The following TTLL7 variants were observed in gnomAD, a reference collection of about 807,000 sequenced individuals.
TTLL7 encodes tubulin polyglutamylase TTLL7.
TTLL7 carries 53 observed loss-of-function variants against 120.2 expected under a neutral mutation model. That is an observed-to-expected ratio of 0.44 (90% CI 0.35 to 0.55). TTLL7 has a LOEUF of 0.55. Among genes scored for constraint, TTLL7 ranks in the 20% least tolerant of loss-of-function variants. The pLI is 0.00. For missense variants in TTLL7, 803 were observed against 1,054.7 expected (o/e 0.76, Z 3.31); for synonymous variants, 353 against 351.7 (o/e 1.00, Z -0.04).
At chr1:83,932,416 G>A (rs1659669308) in intron 9 of TTLL7, among the ~76,000 whole-genome samples, 1 of 152,128 alleles carries the variant, frequency 6.6e-6, no homozygotes, top group Non-Finnish European at 1.5e-5. Flanking sequence ...AGGAACGGAG[G>A]AAGCAAAGGA....
In TTLL7 at chr1:83,947,164, T is replaced by C; in HGVS notation, c.466A>G (p.Thr156Ala). ...KELKKKRKQK[T>A]FIVKPANGAM... ...CCATTAGCTGGTTTCACTATAAAAG[T>C]TTTCTGCTTCCGTTTTTTCTTCAAT... Residue 156 changes from threonine to alanine, a missense_variant, in exon 6 of 21, where the codon ACT becomes GCT. Thr to Ala is a moderately conservative substitution (Grantham distance 58). Transcript: ENST00000260505. 6.2e-7 allele frequency: 1 copy of C among 1,613,372 alleles called. No individual in the cohort carries two copies.
chr1:83,897,467 T>C (rs985007336), intron 18 of TTLL7, among the ~76,000 whole-genome samples: 1 of 152,114 alleles, frequency 6.6e-6, no homozygotes, highest in Non-Finnish European at 1.5e-5. Flanking sequence ...TTAAAATGTA[T>C]CACGCACAGC....
intron 1 of TTLL7, among the ~76,000 whole-genome samples, chr1:83,978,777 G>A (rs1651714443): frequency 6.6e-6 from 1 of 152,048 alleles, no homozygotes; most frequent in African/African-American, 2.4e-5. Flanking sequence ...TTCTAGTCTA[G>A]CAATGATTAA....
intron 1 of TTLL7, among the ~76,000 whole-genome samples, chr1:83,978,597 T>G (rs1651697074): frequency 6.6e-6 from 1 of 152,138 alleles, no homozygotes. Flanking sequence ...GTGGCAAAAA[T>G]TATTAATATT....
intron 1 of TTLL7, among the ~76,000 whole-genome samples, chr1:83,992,970 T>C (rs1048514440): frequency 1.2e-4 from 18 of 152,120 alleles, no homozygotes; most frequent in African/African-American, 4.1e-4. Flanking sequence ...TGGTCGTAGA[T>C]TTTATTTGTT....
intron 14 of TTLL7, among the ~76,000 whole-genome samples, chr1:83,913,994 T>C (rs1438678429): frequency 6.6e-6 from 1 of 152,206 alleles, no homozygotes; most frequent in East Asian, 1.9e-4. Flanking sequence ...TTCCCAGTGT[T>C]TCCCAAAGTG....
chr1:83,920,209 A>G (rs572386637), intron 12 of TTLL7, among the ~76,000 whole-genome samples: 1 of 152,270 alleles, frequency 6.6e-6, no homozygotes, highest in African/African-American at 2.4e-5. Context: ...ATTAGCATTA[A>G]ACAATGCAGT....
At chr1:83,882,082 C>T (rs1175087513) in intron 20 of TTLL7, among the ~76,000 whole-genome samples, 4 of 108,036 alleles carry the variant, frequency 3.7e-5, no homozygotes, top group Non-Finnish European at 3.4e-5. Context: ...ACTCTGGGAA[C>T]TGTTGTGGGG....
Position 83,949,920 on chromosome 1 carries a change from A to G in TTLL7, c.224T>C (p.Ile75Thr), listed in dbSNP as rs1369543475. 1.9e-6 allele frequency: 3 copies of G among 1,613,756 alleles called. No homozygotes were observed. The highest frequency in any genetic ancestry group is 2.2e-5 in the East Asian group (1 of 44,844). Residue 75 changes from isoleucine to threonine, a missense_variant, in exon 4 of 21, where the codon ATA becomes ACA. This residue lies in a region of TTLL7 where 91 missense variants were observed against 96.6 expected (regional missense o/e 0.94). Transcript: ENST00000260505. Reference sequence around the variant, plus strand: ...CTGCTGAACAGCAGAATCACACCATATAAGATTACTTGTTTCATCCTCATC... The same window carrying G: ...CTGCTGAACAGCAGAATCACACCATGTAAGATTACTTGTTTCATCCTCATC... ...TPDEDETSNL[I>T]WCDSAVQQEK... is the part of the protein sequence containing the mutation.
chr1:83,990,518 G>A (rs1375439791), intron 1 of TTLL7, among the ~76,000 whole-genome samples: 2 of 152,132 alleles, frequency 1.3e-5, no homozygotes, highest in Non-Finnish European at 2.9e-5. Context: ...GCTCTGGCTA[G>A]GACTTCCAAT....
At chr1:83,941,846 CA>C (rs1648004468) in intron 7 of TTLL7, among the ~76,000 whole-genome samples, 2 of 152,210 alleles carry the variant, frequency 1.3e-5, no homozygotes, top group South Asian at 4.1e-4. Context: ...CATATCTACA[CA>C]AAGCTCCATT....
At chr1:83,986,212 A>ATGTGTG (rs1272204207) in intron 1 of TTLL7, among the ~76,000 whole-genome samples, 3 of 152,176 alleles carry the variant, frequency 2.0e-5, no homozygotes, top group African/African-American at 7.2e-5. Flanking sequence ...TGTGTACCTA[A>ATGTGTG]TGTGTGTATA....
intron 8 of TTLL7, among the ~76,000 whole-genome samples, chr1:83,934,437 A>C (rs1202973052): frequency 6.6e-6 from 1 of 152,180 alleles, no homozygotes; most frequent in South Asian, 2.1e-4. Context: ...ATAAAGGCTG[A>C]AAGGGCTGGA....
At chr1:83,871,071 T>C (rs1394898583) in intron 20 of TTLL7, among the ~76,000 whole-genome samples, 2 of 149,478 alleles carry the variant, frequency 1.3e-5, no homozygotes, top group Non-Finnish European at 3.0e-5. Flanking sequence ...CTATATTATA[T>C]AGTAATATTT....
At chr1:83,889,053 C>G (rs1049757824) in intron 19 of TTLL7, among the ~76,000 whole-genome samples, 1 of 151,886 alleles carries the variant, frequency 6.6e-6, no homozygotes, top group African/African-American at 2.4e-5. Flanking sequence ...AAGACATACC[C>G]AAGACTGGGT....
In TTLL7 at chr1:83,868,307, GAGA is replaced by G. The variant is rs1653056293; in HGVS notation, c.*1652_*1654del. ...AGCTAAAAGAAAATAAAACTGTTGG[GAGA>G]AGAAGTTTAAATAAATTCTAAGAAG... On this transcript the variant is annotated 3_prime_UTR_variant, in exon 21 of 21. Transcript: ENST00000260505. The G allele has an allele frequency of 6.6e-6, 1 of 152,178 alleles. No homozygotes were observed. The highest frequency in any genetic ancestry group is 1.5e-5 in the Non-Finnish European group (1 of 68,016). The allele number at this position is 152,178 out of a possible 1,614,324, so 9.4% of individuals were successfully genotyped here. A position where few individuals can be genotyped will look rare whatever the true frequency, so the allele number is the denominator to read the frequency against.
intron 1 of TTLL7, among the ~76,000 whole-genome samples, chr1:83,998,523 A>G (rs1256932573): frequency 6.6e-6 from 1 of 152,212 alleles, no homozygotes; most frequent in African/African-American, 2.4e-5. Flanking sequence ...GCATTTTGAT[A>G]CCCTTTCAAG....
chr1:83,971,308 A>T (rs1428425201), intron 1 of TTLL7, among the ~76,000 whole-genome samples: 1 of 152,120 alleles, frequency 6.6e-6, no homozygotes, highest in African/African-American at 2.4e-5. Flanking sequence ...CTATTATATA[A>T]ACACATATTA....
chr1:83,900,171 T>C, intron 18 of TTLL7: 2 of 449,352 alleles, frequency 4.5e-6, no homozygotes, highest in South Asian at 1.6e-5. Flanking sequence ...TTATTATTGC[T>C]GTTCAAATAA....
Sources: allele counts gnomAD v4.1 joint callset (sites outside exome capture counted in the v4.1 genomes callset), GRCh38; gene constraint gnomAD v4.1.1; regional missense constraint gnomAD v4.1.1; transcripts MANE v1.5; gene names NCBI Gene and HGNC (gene_info 2026-07-23, HGNC 2026-07-21).